The following TRIM65 variants were observed in gnomAD, a reference collection of about 807,000 sequenced individuals.
TRIM65 encodes the protein tripartite motif containing 65, also known as E3 ubiquitin-protein ligase TRIM65.
In TRIM65, 46 loss-of-function variants were observed where a neutral mutation model predicts 36.1. The observed-to-expected ratio is 1.27, with a 90% CI of 1.01 to 1.63. The LOEUF is 1.63. TRIM65 is among the 40% of genes most tolerant of loss of function. The probability of loss-of-function intolerance (pLI) is 0.00; values close to 1 mark genes in which losing one functional copy is unlikely to be tolerated. For synonymous variants in TRIM65, 346 were observed against 313.6 expected (o/e 1.10, Z -1.09); for missense variants, 708 against 696.6 (o/e 1.02, Z -0.18).
intron 1 of TRIM65, among the ~76,000 whole-genome samples, chr17:75,895,887 C>G (rs2065338977): frequency 6.6e-6 from 1 of 152,200 alleles, no homozygotes; most frequent in Non-Finnish European, 1.5e-5. Context: ...AGGAGGCTCT[C>G]GGAGCGCAGG....
chr17:75,896,672 G>C lies in TRIM65; in HGVS notation c.266C>G (p.Pro89Arg), dbSNP rs2065352828. 1.6e-6 allele frequency: 2 copies of C among 1,286,820 alleles called. No individual in the cohort carries two copies. Among genetic ancestry groups the C allele is most frequent in the Non-Finnish European group, 2.0e-6 (2 of 1,022,426 alleles). The allele number at this position is 1,286,820 out of a possible 1,614,324, so 79.7% of individuals were successfully genotyped here. A position where few individuals can be genotyped will look rare whatever the true frequency, so the allele number is the denominator to read the frequency against. ...RDPGPDPGPG[P>R]DPAARCPRHG... ...GCGGGGGCAGCGCGCGGCAGGGTCGGGGCCGGGGCCGGGATCGGGGCCGGG... is the reference window on the plus strand; with the variant it reads ...GCGGGGGCAGCGCGCGGCAGGGTCGCGGCCGGGGCCGGGATCGGGGCCGGG... The change falls in exon 1 of 6, where the codon CCC (proline) becomes CGC (arginine). Residue 89 changes from proline (P) to arginine (R), a missense_variant. Coordinates refer to ENST00000269383, the MANE Select transcript of TRIM65 (RefSeq NM_173547.4).
In TRIM65 at chr17:75,890,866, GA is replaced by G; in HGVS notation, c.1466del (p.Phe489SerfsTer9). ...TCAGGGTCCTACCCTCGAGGAGCCAGAAGACGGGGGTGAGGGGCTGGTTGAA... is the reference window on the plus strand; with the variant it reads ...TCAGGGTCCTACCCTCGAGGAGCCAGAGACGGGGGTGAGGGGCTGGTTGAA... ...ALFNQPLTPV[F>X]WLLEGRTLTL... On this transcript the variant is annotated frameshift_variant, in exon 6 of 6. Coordinates refer to ENST00000269383, the MANE Select transcript of TRIM65 (RefSeq NM_173547.4). LOFTEE classifies it high-confidence loss of function. 1.3e-6 allele frequency: 2 copies of G among 1,527,778 alleles called. No homozygotes were observed. Among genetic ancestry groups the G allele is most frequent in the Non-Finnish European group, 1.8e-6 (2 of 1,141,056 alleles). The allele number at this position is 1,527,778 out of a possible 1,614,324, so 94.6% of individuals were successfully genotyped here. A position where few individuals can be genotyped will look rare whatever the true frequency, so the allele number is the denominator to read the frequency against.
chr17:75,882,455 T>C (rs1292422650), intron 4 of TRIM65, among the ~76,000 whole-genome samples: 3 of 150,664 alleles, frequency 2.0e-5, no homozygotes, highest in Non-Finnish European at 2.9e-5. Context: ...GTGATCTGCC[T>C]GCCTCGGCCT....
Position 75,890,536 on chromosome 17 carries a change from A to T in TRIM65, c.*243T>A. ...CTCTCGCCTCCCAGGCCCAGACAGT[A>T]CCTAGAACTGGGTTCTCTCTGGGGC... On this transcript the variant is annotated 3_prime_UTR_variant, in exon 6 of 6. Transcript: ENST00000269383. The T allele has an allele frequency of 2.3e-6, 1 of 435,526 alleles. No individual in the cohort carries two copies. Among genetic ancestry groups the T allele is most frequent in the Non-Finnish European group, 4.0e-6 (1 of 248,294 alleles). The allele number at this position is 435,526 out of a possible 1,614,324, so 27.0% of individuals were successfully genotyped here. A position where few individuals can be genotyped will look rare whatever the true frequency, so the allele number is the denominator to read the frequency against.
chr17:75,896,684 G>A lies in TRIM65; in HGVS notation c.254C>T (p.Pro85Leu). The A allele has an allele frequency of 7.7e-7, 1 of 1,295,936 alleles. No individual in the cohort carries two copies. The highest frequency in any genetic ancestry group is 4.2e-5 in the Admixed American group (1 of 23,918). The allele number at this position is 1,295,936 out of a possible 1,614,324, so 80.3% of individuals were successfully genotyped here. A position where few individuals can be genotyped will look rare whatever the true frequency, so the allele number is the denominator to read the frequency against. The change falls in exon 1 of 6, where the codon CCC becomes CTC. Residue 85 changes from proline (P) to leucine (L), a missense_variant. Transcript: ENST00000269383. Reference protein sequence around the residue: ...AGPARDPGPDPGPGPDPAARC... With the variant: ...AGPARDPGPDLGPGPDPAARC... ...CGCGGCAGGGTCGGGGCCGGGGCCG[G>A]GATCGGGGCCGGGATCCCGGGCGGG...
downstream of TRIM65, among the ~76,000 whole-genome samples, chr17:75,888,164 TATAAATAAATAAATAAATAA>T (rs61543613): frequency 7.3e-6 from 1 of 137,022 alleles, no homozygotes; most frequent in Non-Finnish European, 1.6e-5. Context: ...TCAAAAAATA[TATAAATAAATAAATAAATAA>T]ATAAATAAAT....
downstream of TRIM65, among the ~76,000 whole-genome samples, chr17:75,880,003 C>T (rs2065159684): frequency 6.6e-6 from 1 of 150,882 alleles, no homozygotes; most frequent in Non-Finnish European, 1.5e-5. Flanking sequence ...ATCCACCCGC[C>T]TCGGCCTCCC....
In TRIM65 at chr17:75,896,888, C is replaced by A; in HGVS notation, c.50G>T (p.Gly17Val). Residue 17 changes from glycine (G) to valine (V), a missense_variant, in exon 1 of 6, where the codon GGG (glycine) becomes GTG (valine). Transcript: ENST00000269383. ...EEKLTCAICL[G>V]LYQDPVTLPC... ...CAGCGTCACTGGGTCCTGGTAGAGCCCCAGGCAGATGGCGCAGGTCAGCTT... is the reference window on the plus strand; with the variant it reads ...CAGCGTCACTGGGTCCTGGTAGAGCACCAGGCAGATGGCGCAGGTCAGCTT... The A allele has an allele frequency of 6.6e-7, 1 of 1,524,364 alleles. No homozygotes were observed. Among genetic ancestry groups the A allele is most frequent in the Non-Finnish European group, 8.8e-7 (1 of 1,140,112 alleles). The allele number at this position is 1,524,364 out of a possible 1,614,324, so 94.4% of individuals were successfully genotyped here. A position where few individuals can be genotyped will look rare whatever the true frequency, so the allele number is the denominator to read the frequency against.
intron 5 of TRIM65, among the ~76,000 whole-genome samples, 164 bp from the exon 6 acceptor site, chr17:75,891,511 C>T (rs979517353): frequency 6.6e-6 from 1 of 152,076 alleles, no homozygotes; most frequent in Non-Finnish European, 1.5e-5. Context: ...CAGCCCCGTT[C>T]ACAGCTGAGA....
Position 75,892,057 on chromosome 17 carries a change from C to A in TRIM65, c.873G>T (p.Gly291=). ...GCTTGGCTGGTGCCCCAGGGTGGCT[C>A]CCCTCTTCCAAGAGGAGGCCACACA... ...SRLCGLLLEE[G]SHPGAPAKPV... is the part of the protein sequence containing the mutation. Residue 291 remains glycine (G), a synonymous_variant, in exon 4 of 6, where the codon GGG becomes GGT. Transcript: ENST00000269383. The A allele has an allele frequency of 6.4e-7, 1 of 1,551,786 alleles. No individual in the cohort carries two copies. Among genetic ancestry groups the A allele is most frequent in the South Asian group, 1.2e-5 (1 of 84,104 alleles).
chr17:75,883,945 C>T (rs1219284279), intron 4 of TRIM65, among the ~76,000 whole-genome samples: 2 of 152,108 alleles, frequency 1.3e-5, no homozygotes, highest in Non-Finnish European at 2.9e-5. Context: ...TGAGACCAGC[C>T]TGGCCAACAT....
At chr17:75,896,044 G>C (rs2065341686) in intron 1 of TRIM65, among the ~76,000 whole-genome samples, 1 of 152,188 alleles carries the variant, frequency 6.6e-6, no homozygotes, top group African/African-American at 2.4e-5. Context: ...CTGATGCACA[G>C]ACCCACGATT....
chr17:75,891,087 T>C lies in TRIM65; in HGVS notation c.1246A>G (p.Ile416Val), dbSNP rs749816815. The C allele has an allele frequency of 4.3e-6, 7 of 1,610,816 alleles. No homozygotes were observed. Among genetic ancestry groups the C allele is most frequent in the Non-Finnish European group, 5.9e-6 (7 of 1,179,820 alleles). The change falls in exon 6 of 6, where the codon ATT (isoleucine) becomes GTT (valine). Residue 416 changes from isoleucine to valine, a missense_variant. By Grantham distance (29) the Ile-to-Val change is conservative. Coordinates refer to ENST00000269383, the MANE Select transcript of TRIM65 (RefSeq NM_173547.4). ...CCCCAGGAGCAGGGTCCCCGGCCAA[T>C]GTTGTCTGTGTGGGGCCCCAGCCTG... is the stretch of plus-strand genomic sequence containing the variant. ...RCRLGPHTDN[I>V]GRGPCSWGLC...
rs1220445367 is a variant in TRIM65, at chr17:75,892,293, G to C, written c.718C>G (p.Gln240Glu). ...TGCAGGAAGGTCTGCTCATCCACCT[G>C]CTCCAGGAGCTCCCGGATCCTGCAG... is the stretch of plus-strand genomic sequence containing the variant. The part of the protein sequence containing the change: ...HGCRIRELLE[Q>E]VDEQTFLQES... The change falls in exon 3 of 6, where the codon CAG becomes GAG. Residue 240 changes from glutamine (Q) to glutamate (E), a missense_variant. Physicochemically the swap from Gln to Glu is conservative, Grantham distance 29 (BLOSUM62 2). Coordinates refer to ENST00000269383, the MANE Select transcript of TRIM65 (RefSeq NM_173547.4). 3.8e-5 allele frequency: 61 copies of C among 1,612,276 alleles called. No individual in the cohort carries two copies. Among genetic ancestry groups the C allele is most frequent in the Non-Finnish European group, 4.9e-5 (58 of 1,179,740 alleles).
At chr17:75,888,172 A>AATAC (rs2065224141), downstream of TRIM65, among the ~76,000 whole-genome samples, 1 of 110,706 alleles carries the variant, frequency 9.0e-6, no homozygotes, top group African/African-American at 4.0e-5. Context: ...TATATAAATA[A>AATAC]ATAAATAAAT....
downstream of TRIM65, among the ~76,000 whole-genome samples, chr17:75,888,406 G>A (rs943153758): frequency 2.7e-5 from 4 of 150,714 alleles, no homozygotes; most frequent in Admixed American, 1.3e-4. Context: ...TATAGAACAC[G>A]CTCGCAGAAT....
intron 4 of TRIM65, among the ~76,000 whole-genome samples, chr17:75,883,656 T>C (rs1466154013): frequency 6.6e-6 from 1 of 150,678 alleles, no homozygotes; most frequent in East Asian, 2.0e-4. Context: ...GCCTCCCGAG[T>C]AGCTGGGACT....
intron 1 of TRIM65, 73 bp from the exon 2 acceptor site, chr17:75,892,923 C>T: frequency 7.3e-7 from 1 of 1,371,792 alleles, no homozygotes; most frequent in Non-Finnish European, 1.0e-6. Flanking sequence ...CTCAGACAAC[C>T]AACCATGCCT....
chr17:75,894,044 C>T (rs1341568627), intron 1 of TRIM65, among the ~76,000 whole-genome samples: 2 of 152,202 alleles, frequency 1.3e-5, no homozygotes, highest in Non-Finnish European at 2.9e-5. Flanking sequence ...ATCTCAGCCG[C>T]TCCTGTGAAC....
Sources: allele counts gnomAD v4.1 joint callset (sites outside exome capture counted in the v4.1 genomes callset), GRCh38; gene constraint gnomAD v4.1.1; transcripts MANE v1.5; gene names NCBI Gene and HGNC (gene_info 2026-07-23, HGNC 2026-07-21).